AGMO: variants seen among roughly 807,000 people sequenced by gnomAD.
AGMO encodes the protein alkylglycerol monooxygenase.
In AGMO, 75 loss-of-function variants were observed where a neutral mutation model predicts 60.2. That is an observed-to-expected ratio of 1.25 (90% CI 1.03 to 1.51). The LOEUF (loss-of-function observed/expected upper bound fraction) is 1.51, where lower values mean the gene tolerates loss of function less well. AGMO is among the 40% of genes most tolerant of loss of function. The pLI, the probability that AGMO is intolerant of heterozygous loss-of-function variation, is 0.00. For synonymous variants in AGMO, 261 were observed against 177.1 expected, an observed-to-expected ratio of 1.47 and a Z score of -3.76; for missense variants, 763 against 525.5, an observed-to-expected ratio of 1.45 and a Z score of -4.42.
Position 15,385,397 on chromosome 7 carries a change from C to A in AGMO, c.1074+49G>T, listed in dbSNP as rs147519524. 3.8e-5 allele frequency: 47 copies of A among 1,240,218 alleles called. No individual in the cohort carries two copies. In the African/African-American group the frequency reaches 4.7e-4, roughly 12 times the overall value. The allele number at this position is 1,240,218 out of a possible 1,614,324, so 76.8% of individuals were successfully genotyped here. A position where few individuals can be genotyped will look rare whatever the true frequency, so the allele number is the denominator to read the frequency against. ...TGGGGAGCTTATTTTCATTTTCAAACAAAGTAACAGATAATGTTCTCACAC... is the reference window on the plus strand; with the variant it reads ...TGGGGAGCTTATTTTCATTTTCAAAAAAAGTAACAGATAATGTTCTCACAC... On this transcript the variant is annotated intron_variant, in intron 10 of 12. Coordinates refer to ENST00000342526, the MANE Select transcript of AGMO (RefSeq NM_001004320.2).
chr7:15,141,304 C>T, the AGMO span, among the ~76,000 whole-genome samples: 3,544 of 152,122 alleles, frequency 0.023, 142 homozygotes, highest in African/African-American at 0.081. Context: ...TATGTGTTGG[C>T]GGGGCACGGT....
At chr7:15,206,972 G>A (rs1007636785) in intron 12 of AGMO, among the ~76,000 whole-genome samples, 2 of 151,988 alleles carry the variant, frequency 1.3e-5, no homozygotes, top group Admixed American at 6.6e-5. Context: ...TTCATTTCAC[G>A]CATTATTTCA....
At chr7:15,434,915 T>C (rs1202596231) in intron 3 of AGMO, among the ~76,000 whole-genome samples, 2 of 151,624 alleles carry the variant, frequency 1.3e-5, no homozygotes, top group Admixed American at 6.6e-5. Flanking sequence ...TCTTTCCTTT[T>C]AGTTTTGCTT....
At chr7:15,138,814 C>T in the AGMO span, among the ~76,000 whole-genome samples, 2 of 147,970 alleles carry the variant, frequency 1.4e-5, no homozygotes, top group Non-Finnish European at 3.0e-5. Context: ...TAATGTAAGG[C>T]CTGAGTCTAT....
intron 2 of AGMO, among the ~76,000 whole-genome samples, chr7:15,559,688 C>T (rs1263431736): frequency 6.6e-6 from 1 of 152,038 alleles, no homozygotes; most frequent in East Asian, 1.9e-4. Context: ...CCACTGGATT[C>T]ATATTATGGA....
chr7:15,317,466 G>A (rs1403948579), intron 12 of AGMO, among the ~76,000 whole-genome samples: 1 of 152,012 alleles, frequency 6.6e-6, no homozygotes, highest in Non-Finnish European at 1.5e-5. Flanking sequence ...TCAGGAGTGG[G>A]GATAGGCAAA....
At chr7:15,558,603 C>T (rs1256375899) in intron 2 of AGMO, among the ~76,000 whole-genome samples, 2 of 151,980 alleles carry the variant, frequency 1.3e-5, no homozygotes, top group African/African-American at 2.4e-5. Context: ...TGGGAATTAG[C>T]TGCAAATTTC....
chr7:15,243,633 T>C (rs1782661235), intron 12 of AGMO, among the ~76,000 whole-genome samples: 1 of 152,136 alleles, frequency 6.6e-6, no homozygotes, highest in Admixed American at 6.6e-5. Flanking sequence ...TTAAATTGGA[T>C]TTTAAATATT....
chr7:15,394,749 A>G lies in AGMO; in HGVS notation c.610-570T>C, dbSNP rs79285518. Among the ~76,000 whole-genome samples the G allele has an allele frequency of 5.8e-3, 882 of 152,294 alleles. 7 individuals are homozygous for G. Among genetic ancestry groups the G allele is most frequent in the African/African-American group, 0.02 (828 of 41,556 alleles). On this transcript the variant is annotated intron_variant, in intron 5 of 12. Coordinates refer to ENST00000342526, the MANE Select transcript of AGMO (RefSeq NM_001004320.2). ...ATCAGCCATGCAGCAACGACTTACT[A>G]TTGCATCAGTAATCTACGGCATTAG...
At chr7:15,549,340 C>G (rs1233735236) in intron 2 of AGMO, among the ~76,000 whole-genome samples, 2 of 151,654 alleles carry the variant, frequency 1.3e-5, no homozygotes, top group African/African-American at 2.4e-5. Context: ...TGTAAATGGA[C>G]TAAATGCTCC....
intron 12 of AGMO, among the ~76,000 whole-genome samples, chr7:15,356,040 T>C (rs758418072): frequency 1.3e-5 from 2 of 152,182 alleles, no homozygotes; most frequent in Admixed American, 6.5e-5. Context: ...TACTACTTAA[T>C]TTCCCAAATG....
intron 3 of AGMO, among the ~76,000 whole-genome samples, chr7:15,467,708 G>T (rs1782331581): frequency 6.6e-6 from 1 of 151,842 alleles, no homozygotes; most frequent in African/African-American, 2.4e-5. Flanking sequence ...CTGTATTTTT[G>T]GAATATTATT....
chr7:15,326,224 C>G (rs1781335803), intron 12 of AGMO, among the ~76,000 whole-genome samples: 1 of 152,122 alleles, frequency 6.6e-6, no homozygotes, highest in South Asian at 2.1e-4. Context: ...ACTTTTACCA[C>G]TAGATGGAGC....
chr7:15,511,227 C>T (rs559955281), intron 3 of AGMO, among the ~76,000 whole-genome samples: 73 of 152,100 alleles, frequency 4.8e-4, no homozygotes, highest in Non-Finnish European at 9.6e-4. Flanking sequence ...CACCCACATG[C>T]ACTCATGCAG....
intron 3 of AGMO, among the ~76,000 whole-genome samples, chr7:15,461,803 G>C (rs567572926): frequency 6.6e-6 from 1 of 152,094 alleles, no homozygotes; most frequent in East Asian, 1.9e-4. Context: ...TATACTTGAA[G>C]AAGTATAGTG....
chr7:15,181,114 A>C, the AGMO span, among the ~76,000 whole-genome samples: 1 of 152,164 alleles, frequency 6.6e-6, no homozygotes, highest in African/African-American at 2.4e-5. Context: ...ACCTCTTAAT[A>C]TTGTTACAAA....
intron 12 of AGMO, among the ~76,000 whole-genome samples, chr7:15,227,421 AAATAT>A: frequency 6.6e-6 from 1 of 152,152 alleles, no homozygotes; most frequent in South Asian, 2.1e-4. Context: ...TTAAACAAAC[AAATAT>A]ATCAACAATG....
intron 12 of AGMO, among the ~76,000 whole-genome samples, chr7:15,227,085 T>C (rs1426867139): frequency 5.3e-5 from 8 of 152,060 alleles, no homozygotes; most frequent in Non-Finnish European, 8.8e-5. Flanking sequence ...CTTACCTCGA[T>C]TTTATTGTTT....
At chr7:15,157,335 C>T in the AGMO span, among the ~76,000 whole-genome samples, 2 of 152,060 alleles carry the variant, frequency 1.3e-5, no homozygotes, top group Admixed American at 6.6e-5. Flanking sequence ...AGTGGAGTGA[C>T]AGGGAGTTAA....
Sources: gnomAD v4.1 joint callset for allele counts (sites outside exome capture counted in the v4.1 genomes callset) on GRCh38, gnomAD v4.1.1 for gene constraint, MANE v1.5 for transcripts, NCBI Gene and HGNC (gene_info 2026-07-23, HGNC 2026-07-21) for gene names.